KLF7: variants seen among roughly 807,000 people sequenced by gnomAD.
KLF7 encodes the protein Krueppel-like factor 7.
KLF7 carries 2 observed loss-of-function variants against 27.3 expected under a neutral mutation model. The observed-to-expected ratio is 0.07, with a 90% CI of 0.03 to 0.23. KLF7 has a LOEUF of 0.23. Among genes scored for constraint, KLF7 ranks in the 10% least tolerant of loss-of-function variants. The pLI is 1.00. For synonymous variants in KLF7, 165 were observed against 162.4 expected, an observed-to-expected ratio of 1.02 and a Z score of -0.12; for missense variants, 221 against 394.1, an observed-to-expected ratio of 0.56 and a Z score of 3.72.
At chr2:207,130,663 C>T (rs565092360) in intron 1 of KLF7, among the ~76,000 whole-genome samples, 71 of 152,298 alleles carry the variant, frequency 4.7e-4, no homozygotes, top group African/African-American at 1.6e-3. Context: ...AGTCCAGCCT[C>T]TTCAATACCA....
chr2:207,112,910 G>A (rs1222916237), intron 2 of KLF7, among the ~76,000 whole-genome samples: 5 of 152,190 alleles, frequency 3.3e-5, no homozygotes, highest in Non-Finnish European at 5.9e-5. Flanking sequence ...TTATTGCCAT[G>A]TAAATGCTAT....
chr2:207,132,441 A>G (rs139311247), intron 1 of KLF7, among the ~76,000 whole-genome samples: 1,868 of 152,362 alleles, frequency 0.012, 21 homozygotes, highest in Non-Finnish European at 0.019. Context: ...AAAAATTTCT[A>G]TCAAAACCTC....
At chr2:207,085,939 G>A (rs1431168807) in intron 3 of KLF7, among the ~76,000 whole-genome samples, 17 of 115,078 alleles carry the variant, frequency 1.5e-4, no homozygotes, top group African/African-American at 5.4e-4. Context: ...GACAAAGCCA[G>A]AAATACAAAC....
chr2:207,166,883 A>G (rs2078729357), upstream of KLF7: 2 of 1,080,862 alleles, frequency 1.9e-6, no homozygotes, highest in Non-Finnish European at 2.3e-6. Flanking sequence ...GAGCGGAGCG[A>G]GACCGCGGCC....
At chr2:207,109,865 C>T (rs2076980209) in intron 2 of KLF7, 2 of 154,768 alleles carry the variant, frequency 1.3e-5, no homozygotes, top group Admixed American at 6.5e-5. Flanking sequence ...CTTAGCATGA[C>T]CCCACAAGGC....
chr2:207,093,493 G>C (rs1559115130), intron 2 of KLF7, among the ~76,000 whole-genome samples: 1 of 152,150 alleles, frequency 6.6e-6, no homozygotes, highest in African/African-American at 2.4e-5. Context: ...GTCTCTGCCT[G>C]AATGTCTCCT....
rs925107216 is a variant in KLF7 at position 207,074,391 on chromosome 2, T to C, written c.*6822A>G. ...TCTCTACCTTCCTCCTTACTGGTGA[T>C]GCTCTTTCCTGGAAGTCGTGTGTGG... On this transcript the variant is annotated 3_prime_UTR_variant, in exon 4 of 4. Transcript: ENST00000309446. 2 of 152,282 alleles carry C rather than the reference T, an allele frequency of 1.3e-5. No homozygotes were observed. The highest frequency in any genetic ancestry group is 2.9e-5 in the Non-Finnish European group (2 of 68,090). 9.4% of individuals were successfully genotyped at this position (152,282 alleles called of 1,614,324 possible). A position where few individuals can be genotyped will look rare whatever the true frequency, so the allele number is the denominator to read the frequency against.
chr2:207,144,041 G>A (rs1270401745), intron 1 of KLF7, among the ~76,000 whole-genome samples: 1 of 150,764 alleles, frequency 6.6e-6, no homozygotes, highest in African/African-American at 2.4e-5. Flanking sequence ...CCAGGGGAAA[G>A]CATGCTTCAT....
chr2:207,103,634 C>G (rs549046552), intron 2 of KLF7, among the ~76,000 whole-genome samples: 2 of 152,308 alleles, frequency 1.3e-5, no homozygotes, highest in Admixed American at 1.3e-4. Flanking sequence ...TACGGGAAAA[C>G]AGACACACAC....
chr2:207,142,006 T>A (rs1263418770), intron 1 of KLF7, among the ~76,000 whole-genome samples: 3 of 151,910 alleles, frequency 2.0e-5, no homozygotes, highest in African/African-American at 7.3e-5. Flanking sequence ...CTGCTCTCAA[T>A]AAGAATCTTG....
Position 207,123,755 on chromosome 2 carries a change from G to GT in KLF7, c.733+18_733+19insA. On this transcript the variant is annotated intron_variant, in intron 2 of 3. Coordinates refer to ENST00000309446, the MANE Select transcript of KLF7 (RefSeq NM_003709.4). ...GGAGGGGAAAGAAGAAACCACGTGC[G>GT]GCCAACTTGTACCACTACCTGTGTG... 1 of 1,598,112 alleles carries GT rather than the reference G, an allele frequency of 6.3e-7. No individual in the cohort carries two copies. Among genetic ancestry groups the GT allele is most frequent in the Non-Finnish European group, 8.5e-7 (1 of 1,171,508 alleles).
rs780854996 is a variant in KLF7 at position 207,108,039 on chromosome 2, C to T, written c.733+15735G>A. ...TAACGGTGAGCTTGTGGTAATTGAT[C>T]CCACAAGCTTTGTACCTATGGTCCT... On this transcript the variant is annotated intron_variant, in intron 2 of 3. Transcript: ENST00000309446. Among the ~76,000 whole-genome samples the T allele has an allele frequency of 7.9e-4, 121 of 152,244 alleles. 1 individual carries two copies. Among genetic ancestry groups the T allele is most frequent in the Non-Finnish European group, 1.6e-3 (106 of 68,030 alleles).
chr2:207,134,144 G>C, intron 1 of KLF7: 1 of 1,475,070 alleles, frequency 6.8e-7, no homozygotes, highest in Non-Finnish European at 8.9e-7. Flanking sequence ...GGCTGACTCG[G>C]GCTACTGGGA....
intron 1 of KLF7, among the ~76,000 whole-genome samples, chr2:207,148,051 T>C (rs1158587395): frequency 6.6e-6 from 1 of 152,196 alleles, no homozygotes. Flanking sequence ...TACATAAATA[T>C]TTAATTTCAC....
At chr2:207,115,630 G>A (rs2077158255) in intron 2 of KLF7, among the ~76,000 whole-genome samples, 1 of 152,162 alleles carries the variant, frequency 6.6e-6, no homozygotes, top group African/African-American at 2.4e-5. Context: ...ATTGTTGAAA[G>A]GAAGCCACTT....
intron 2 of KLF7, among the ~76,000 whole-genome samples, chr2:207,117,911 C>T (rs545394510): frequency 1.3e-5 from 2 of 152,318 alleles, no homozygotes; most frequent in Admixed American, 6.5e-5. Context: ...TTCAGCACTC[C>T]TTCCCAAATG....
chr2:207,143,243 A>T (rs1054369695), intron 1 of KLF7, among the ~76,000 whole-genome samples: 33 of 152,208 alleles, frequency 2.2e-4, no homozygotes, highest in Admixed American at 2.6e-4. Context: ...TGGTAGCTGA[A>T]GCAAAAAGAT....
Position 207,124,075 on chromosome 2 carries a change from G to A in KLF7, c.432C>T (p.Leu144=), listed in dbSNP as rs776657301. The change falls in exon 2 of 4, where the codon CTC becomes CTT. Residue 144 remains leucine (L), a synonymous_variant. Transcript: ENST00000309446. ...TSLTPPSSPE[L]SRHLVKTSQT... is the part of the protein sequence containing the mutation. ...GTGAGGTTTTGACCAGATGGCGGCT[G>A]AGCTCAGGGGACGATGGGGGCGTTA... 1.9e-6 allele frequency: 3 copies of A among 1,614,190 alleles called. No individual in the cohort carries two copies. Among genetic ancestry groups the A allele is most frequent in the Non-Finnish European group, 2.5e-6 (3 of 1,180,032 alleles).
At chr2:207,148,819 A>G (rs759755414) in intron 1 of KLF7, among the ~76,000 whole-genome samples, 1 of 152,056 alleles carries the variant, frequency 6.6e-6, no homozygotes, top group Non-Finnish European at 1.5e-5. Flanking sequence ...TGACATTACC[A>G]GGCTGACTCC....
Sources: allele counts gnomAD v4.1 joint callset (sites outside exome capture counted in the v4.1 genomes callset), GRCh38; gene constraint gnomAD v4.1.1; transcripts MANE v1.5; gene names NCBI Gene and HGNC (gene_info 2026-07-23, HGNC 2026-07-21).